The following CDH18 variants were observed in gnomAD, a reference collection of about 807,000 sequenced individuals.
The protein encoded by CDH18 is cadherin 18.
CDH18 carries 31 observed loss-of-function variants against 67.9 expected under a neutral mutation model. The observed-to-expected ratio is 0.46, with a 90% CI of 0.34 to 0.62. CDH18 has a LOEUF of 0.62. Ranked by LOEUF, CDH18 falls within the 20% of genes least tolerant of loss-of-function variation. The pLI is 0.01. For synonymous variants in CDH18, 362 were observed against 347.2 expected, an observed-to-expected ratio of 1.04 and a Z score of -0.48; for missense variants, 890 against 975.5, an observed-to-expected ratio of 0.91 and a Z score of 1.17.
intron 2 of CDH18, among the ~76,000 whole-genome samples, chr5:19,935,590 G>A (rs1037585952): frequency 6.6e-5 from 10 of 151,158 alleles, no homozygotes; most frequent in Non-Finnish European, 1.2e-4. Context: ...TACCATCTGG[G>A]TTTGTTTAAG....
At chr5:20,088,017 G>T (rs545339026) in intron 2 of CDH18, among the ~76,000 whole-genome samples, 1 of 152,098 alleles carries the variant, frequency 6.6e-6, no homozygotes, top group South Asian at 2.1e-4. Context: ...GAAAAGAAAC[G>T]TATCACTAGA....
intron 5 of CDH18, among the ~76,000 whole-genome samples, chr5:19,661,093 A>G (rs1157414014): frequency 6.6e-6 from 1 of 152,046 alleles, no homozygotes; most frequent in Non-Finnish European, 1.5e-5. Context: ...AGATCTTGTG[A>G]CAAGCATATC....
chr5:19,716,452 C>A (rs1321283095), intron 5 of CDH18, among the ~76,000 whole-genome samples: 2 of 151,830 alleles, frequency 1.3e-5, no homozygotes, highest in Non-Finnish European at 2.9e-5. Context: ...GGTAGAAAGG[C>A]CAAGTAAGCA....
At chr5:19,520,914 A>G in intron 9 of CDH18, 136 bp from the exon 10 acceptor site, 1 of 821,056 alleles carries the variant, frequency 1.2e-6, no homozygotes, top group South Asian at 1.8e-5. Context: ...CGACAACTTT[A>G]TGAAGGCGCT....
chr5:20,141,738 A>C (rs1299417778), intron 2 of CDH18, among the ~76,000 whole-genome samples: 4 of 152,118 alleles, frequency 2.6e-5, no homozygotes, highest in African/African-American at 9.7e-5. Context: ...GGAAAGAGTT[A>C]TTATAGTAAA....
At chr5:19,482,739 C>T (rs1002979428) in intron 12 of CDH18, among the ~76,000 whole-genome samples, 31 of 152,282 alleles carry the variant, frequency 2.0e-4, no homozygotes, top group African/African-American at 7.5e-4. Context: ...TAGTTACACT[C>T]TTTTTTCACG....
intron 2 of CDH18, among the ~76,000 whole-genome samples, chr5:19,906,626 G>A (rs1443615609): frequency 6.6e-6 from 1 of 151,884 alleles, no homozygotes; most frequent in Non-Finnish European, 1.5e-5. Flanking sequence ...TGTACAAGAT[G>A]GTTTGAAGTG....
chr5:19,483,606 T>C, intron 11 of CDH18, 54 bp from the exon 12 acceptor site: 1 of 1,521,952 alleles, frequency 6.6e-7, no homozygotes, highest in African/African-American at 1.4e-5. Context: ...CCATTCAAGA[T>C]TCACATTTCC....
At chr5:20,299,440 AC>A (rs1747787648) in intron 1 of CDH18, among the ~76,000 whole-genome samples, 2 of 148,912 alleles carry the variant, frequency 1.3e-5, no homozygotes, top group Non-Finnish European at 3.0e-5. Flanking sequence ...ACACACACAC[AC>A]ACACACACAA....
At chr5:20,187,720 G>A (rs1738211809) in intron 2 of CDH18, among the ~76,000 whole-genome samples, 1 of 151,652 alleles carries the variant, frequency 6.6e-6, no homozygotes, top group Admixed American at 6.6e-5. Context: ...CTGAGCAGTT[G>A]ATATTTTAGA....
At chr5:20,211,363 G>A (rs915393536) in intron 2 of CDH18, among the ~76,000 whole-genome samples, 4 of 152,114 alleles carry the variant, frequency 2.6e-5, no homozygotes, top group African/African-American at 9.6e-5. Flanking sequence ...AGACTTAAAT[G>A]TCCCTGTCTG....
chr5:20,061,030 A>G lies in CDH18; in HGVS notation c.-517-69016T>C, dbSNP rs62352576. Among the ~76,000 whole-genome samples, 900 of 152,048 alleles carry G rather than the reference A, an allele frequency of 5.9e-3. 8 individuals carry two copies. The highest frequency in any genetic ancestry group is 0.011 in the South Asian group (53 of 4,820). ...TACTTAGGAAAGCAATTATTTGGCT[A>G]TTTTATACACGCAAATAATTCTGAG... On this transcript the variant is annotated intron_variant, in intron 2 of 14. Transcript: ENST00000507958.
intron 1 of CDH18, among the ~76,000 whole-genome samples, chr5:20,519,027 C>CA (rs1326785751): frequency 1.3e-5 from 2 of 151,940 alleles, no homozygotes; most frequent in African/African-American, 4.8e-5. Context: ...CAGAAAAAGC[C>CA]AAAAATGCTC....
intron 1 of CDH18, among the ~76,000 whole-genome samples, chr5:20,512,711 C>G (rs1755118334): frequency 6.6e-6 from 1 of 151,840 alleles, no homozygotes; most frequent in African/African-American, 2.4e-5. Flanking sequence ...TAGTGAAACC[C>G]CATCTCTACT....
chr5:20,188,644 T>C (rs1421521788), intron 2 of CDH18, among the ~76,000 whole-genome samples: 1 of 151,988 alleles, frequency 6.6e-6, no homozygotes, highest in Admixed American at 6.6e-5. Flanking sequence ...ATTAGGCAGA[T>C]GGTAAATAGT....
At chr5:19,493,639 T>G (rs1215576930) in intron 11 of CDH18, among the ~76,000 whole-genome samples, 1 of 152,226 alleles carries the variant, frequency 6.6e-6, no homozygotes, top group Non-Finnish European at 1.5e-5. Context: ...ATGCAAAGTG[T>G]ATTTAATAGA....
At chr5:19,716,963 A>G (rs1382955025) in intron 5 of CDH18, among the ~76,000 whole-genome samples, 1 of 152,214 alleles carries the variant, frequency 6.6e-6, no homozygotes, top group Non-Finnish European at 1.5e-5. Flanking sequence ...ATGGCTTAGT[A>G]GTATTTACTG....
chr5:20,223,990 A>C (rs1410335635), intron 2 of CDH18, among the ~76,000 whole-genome samples: 1 of 152,142 alleles, frequency 6.6e-6, no homozygotes, highest in Non-Finnish European at 1.5e-5. Context: ...TTAAATAGTA[A>C]AATTCTTAAT....
intron 9 of CDH18, among the ~76,000 whole-genome samples, chr5:19,536,386 G>C (rs907822500): frequency 1.2e-4 from 19 of 152,278 alleles, no homozygotes; most frequent in Middle Eastern, 6.8e-3. Context: ...AAAGATGAAA[G>C]GGTTATGAAA....
Sources: gnomAD v4.1 joint callset for allele counts (sites outside exome capture counted in the v4.1 genomes callset) on GRCh38, gnomAD v4.1.1 for gene constraint, MANE v1.5 for transcripts, NCBI Gene and HGNC (gene_info 2026-07-23, HGNC 2026-07-21) for gene names.